The following LPP variants were observed in gnomAD, a reference collection of about 807,000 sequenced individuals.
LPP encodes the protein lipoma-preferred partner.
LPP carries 38 observed loss-of-function variants against 60.4 expected under a neutral mutation model. The ratio of observed to expected loss-of-function variants is 0.63; its 90% CI spans 0.49 to 0.83. The LOEUF is 0.83. Ranked by LOEUF, LPP falls within the 40% of genes least tolerant of loss-of-function variation. The pLI, the probability that LPP is intolerant of heterozygous loss-of-function variation, is 0.00. For synonymous variants in LPP, 328 were observed against 290.8 expected (o/e 1.13, Z -1.30); for missense variants, 902 against 783.6 (o/e 1.15, Z -1.80).
intron 7 of LPP, among the ~76,000 whole-genome samples, chr3:188,646,806 G>A (rs1851187972): frequency 6.6e-6 from 1 of 152,198 alleles, no homozygotes; most frequent in African/African-American, 2.4e-5. Flanking sequence ...ACATGGTGCT[G>A]AAGCTTAGAT....
intron 2 of LPP, among the ~76,000 whole-genome samples, chr3:188,287,403 C>G (rs999563719): frequency 7.7e-4 from 117 of 152,286 alleles, no homozygotes; most frequent in African/African-American, 2.6e-3. Flanking sequence ...GGTCACACAT[C>G]GAGGAAATGG....
At chr3:188,703,958 G>A (rs940426731) in intron 7 of LPP, among the ~76,000 whole-genome samples, 2 of 152,160 alleles carry the variant, frequency 1.3e-5, no homozygotes, top group African/African-American at 4.8e-5. Context: ...ATGATAAATT[G>A]TGTCTGTTCT....
At chr3:188,410,421 CAT>C (rs549223879) in intron 4 of LPP, among the ~76,000 whole-genome samples, 20 of 152,342 alleles carry the variant, frequency 1.3e-4, no homozygotes, top group African/African-American at 4.6e-4. Context: ...AAAATACCCA[CAT>C]GTTTTCCACA....
chr3:188,365,497 A>G (rs1770855529), intron 3 of LPP, among the ~76,000 whole-genome samples: 2 of 152,150 alleles, frequency 1.3e-5, no homozygotes, highest in African/African-American at 4.8e-5. Flanking sequence ...CAAACATTAC[A>G]TGTCATGACT....
chr3:188,323,828 G>T (rs1560248233), intron 2 of LPP, among the ~76,000 whole-genome samples: 1 of 152,228 alleles, frequency 6.6e-6, no homozygotes, highest in South Asian at 2.1e-4. Flanking sequence ...TTGTTAGGCA[G>T]AATGGAAGTG....
intron 6 of LPP, among the ~76,000 whole-genome samples, chr3:188,598,786 G>C (rs1840487342): frequency 6.6e-6 from 1 of 151,936 alleles, no homozygotes; most frequent in Non-Finnish European, 1.5e-5. Flanking sequence ...CGTTTTAATA[G>C]CTCTTCATTG....
chr3:188,850,710 A>G (rs1762496489), intron 9 of LPP, among the ~76,000 whole-genome samples: 1 of 152,194 alleles, frequency 6.6e-6, no homozygotes, highest in South Asian at 2.1e-4. Context: ...GGACCACAGA[A>G]AAGTAAATGA....
At chr3:188,690,723 T>C (rs935299710) in intron 7 of LPP, among the ~76,000 whole-genome samples, 4 of 151,940 alleles carry the variant, frequency 2.6e-5, no homozygotes, top group African/African-American at 9.7e-5. Flanking sequence ...CTTTTAGGGG[T>C]AGTTTGGTAG....
At chr3:188,802,968 CT>C (rs1421452941) in intron 9 of LPP, among the ~76,000 whole-genome samples, 2 of 150,342 alleles carry the variant, frequency 1.3e-5, no homozygotes, top group Non-Finnish European at 3.0e-5. Context: ...GTATGCCTTT[CT>C]TTTTTCCTAA....
chr3:188,740,869 T>C (rs1724160477), intron 8 of LPP, among the ~76,000 whole-genome samples: 1 of 152,002 alleles, frequency 6.6e-6, no homozygotes, highest in African/African-American at 2.4e-5. Context: ...CATCTCCTGA[T>C]AAAATGTGAA....
In LPP at chr3:188,410,794, A is replaced by G. The variant is rs748714006; in HGVS notation, c.193+4481A>G. ...TGGGGAACAGGTGGTTTTTGCTTAC[A>G]TGGAGAAGTTCTGTAGTGGTGATTT... On this transcript the variant is annotated intron_variant, in intron 4 of 11. Transcript: ENST00000617246. Among the ~76,000 whole-genome samples, 67 of 152,216 alleles carry G rather than the reference A, an allele frequency of 4.4e-4. 1 individual carries two copies. The highest frequency in any genetic ancestry group is 1.5e-3 in the South Asian group (7 of 4,824).
rs368295571 is a variant in LPP at position 188,788,787 on chromosome 3, G to GC, written c.1410+28512dup. The stretch of plus-strand genomic sequence containing the variant: ...TCCGATTCCTACAACCCTGCAGCAC[G>GC]CCCCCCCGGCTCTAAACCTTTTAGT... On this transcript the variant is annotated intron_variant, in intron 9 of 11. Transcript: ENST00000617246. 2.3e-3 allele frequency among the ~76,000 whole-genome samples: 344 copies of GC among 152,084 alleles called. 1 individual carries two copies. The highest frequency in any genetic ancestry group is 7.9e-3 in the African/African-American group (327 of 41,472).
chr3:188,718,188 G>T (rs1714862312), intron 8 of LPP, among the ~76,000 whole-genome samples: 1 of 152,176 alleles, frequency 6.6e-6, no homozygotes, highest in African/African-American at 2.4e-5. Context: ...TGTGATCTTA[G>T]AAATTATCTA....
At chr3:188,753,440 G>A (rs1421643466) in intron 8 of LPP, among the ~76,000 whole-genome samples, 1 of 151,976 alleles carries the variant, frequency 6.6e-6, no homozygotes, top group Non-Finnish European at 1.5e-5. Flanking sequence ...TCACATCGTG[G>A]TTAGACTTTA....
intron 4 of LPP, among the ~76,000 whole-genome samples, chr3:188,445,513 A>G (rs573849017): frequency 1.3e-5 from 2 of 152,286 alleles, no homozygotes; most frequent in Admixed American, 6.5e-5. Context: ...AGGGAGGGAT[A>G]GCATTAGGAG....
chr3:188,156,801 C>T (rs1716581775), intron 1 of LPP, among the ~76,000 whole-genome samples: 1 of 151,942 alleles, frequency 6.6e-6, no homozygotes, highest in African/African-American at 2.4e-5. Context: ...TGCACCATTG[C>T]ACTCTAGCCT....
intron 4 of LPP, among the ~76,000 whole-genome samples, chr3:188,423,234 A>G (rs1171151445): frequency 2.0e-5 from 3 of 152,066 alleles, no homozygotes; most frequent in Non-Finnish European, 4.4e-5. Flanking sequence ...TTTGCTGAGA[A>G]TGATGGTTTC....
At chr3:188,832,800 G>A (rs1757450042) in intron 9 of LPP, among the ~76,000 whole-genome samples, 1 of 152,194 alleles carries the variant, frequency 6.6e-6, no homozygotes, top group South Asian at 2.1e-4. Flanking sequence ...GTGGTCTTCA[G>A]CGGGAGCCTA....
intron 7 of LPP, among the ~76,000 whole-genome samples, chr3:188,639,262 G>A (rs1259170624): frequency 6.9e-4 from 104 of 151,554 alleles, no homozygotes; most frequent in African/African-American, 2.3e-3. Context: ...ACAAGCAATG[G>A]GGAAAGGATT....
Sources: gnomAD v4.1 joint callset for allele counts (sites outside exome capture counted in the v4.1 genomes callset) on GRCh38, gnomAD v4.1.1 for gene constraint, MANE v1.5 for transcripts, NCBI Gene and HGNC (gene_info 2026-07-23, HGNC 2026-07-21) for gene names.